The following FXYD5 variants were observed in gnomAD, a reference collection of about 807,000 sequenced individuals.
FXYD5 encodes the protein FXYD domain-containing ion transport regulator 5.
FXYD5 carries 21 observed loss-of-function variants against 25.7 expected under a neutral mutation model. The observed-to-expected ratio is 0.82, with a 90% CI of 0.58 to 1.18. The LOEUF is 1.18. Ranked by LOEUF, FXYD5 falls within the 50% of genes most tolerant of loss-of-function variation. The pLI, the probability that FXYD5 is intolerant of heterozygous loss-of-function variation, is 0.00. For synonymous variants in FXYD5, 101 were observed against 90.7 expected (o/e 1.11, Z -0.64); for missense variants, 229 against 227.7 (o/e 1.01, Z -0.04).
intron 5 of FXYD5, among the ~76,000 whole-genome samples, chr19:35,161,249 A>AC (rs58296906): frequency 4.2e-5 from 5 of 120,398 alleles, no homozygotes; most frequent in South Asian, 2.8e-4. Context: ...CACACACACA[A>AC]AAGAATGATT....
At chr19:35,164,413 A>G (rs1272689127) in intron 6 of FXYD5, among the ~76,000 whole-genome samples, 168 bp downstream of exon 6, 3 of 152,248 alleles carry the variant, frequency 2.0e-5, no homozygotes, top group Admixed American at 2.0e-4. Context: ...GTCTGAATAG[A>G]TAAGTGAATG....
chr19:35,168,800 C>T (rs775304098), intron 8 of FXYD5, among the ~76,000 whole-genome samples: 2 of 152,148 alleles, frequency 1.3e-5, no homozygotes, highest in African/African-American at 2.4e-5. Context: ...CAGTGGTTCA[C>T]GTATGTAATC....
chr19:35,155,391 C>G (rs1441844292), intron 1 of FXYD5, 160 bp from the exon 2 acceptor site: 2 of 652,028 alleles, frequency 3.1e-6, no homozygotes, highest in Non-Finnish European at 5.5e-6. Flanking sequence ...ACCTAAGACC[C>G]TCCCCTTTCC....
At chr19:35,158,605 A>G (rs2065378231) in intron 4 of FXYD5, among the ~76,000 whole-genome samples, 3 of 152,242 alleles carry the variant, frequency 2.0e-5, no homozygotes, top group Admixed American at 2.0e-4. Context: ...TGTGAAATTA[A>G]CATGCATATA....
intron 1 of FXYD5, 42 bp from the exon 2 acceptor site, chr19:35,155,509 C>T (rs747274104): frequency 3.2e-6 from 5 of 1,558,028 alleles, no homozygotes; most frequent in Non-Finnish European, 4.4e-6. Context: ...AGGTCGGTCT[C>T]ACTGACATCA....
chr19:35,166,529 G>A lies in FXYD5; in HGVS notation c.487+204G>A, dbSNP rs531039278. 2.9e-5 allele frequency: 14 copies of A among 481,934 alleles called. No homozygotes were observed. The East Asian group carries it at 4.7e-4, about 16-fold the overall frequency. The allele number at this position is 481,934 out of a possible 1,614,324, so 29.9% of individuals were successfully genotyped here. ...TCAATACCACAGTTTGGAAACATAGGCTGGGCTCAGCTGGGTGATTCTTCT... is the reference window on the plus strand; with the variant it reads ...TCAATACCACAGTTTGGAAACATAGACTGGGCTCAGCTGGGTGATTCTTCT... On this transcript the variant is annotated intron_variant, in intron 8 of 8. Coordinates refer to ENST00000392219, the MANE Select transcript of FXYD5 (RefSeq NM_014164.6).
rs2065449980 is a variant in FXYD5, at chr19:35,166,263, T to G, written c.425T>G (p.Leu142Arg). 1.2e-6 allele frequency: 2 copies of G among 1,611,958 alleles called. No individual in the cohort carries two copies. The highest frequency in any genetic ancestry group is 1.7e-6 in the Non-Finnish European group (2 of 1,178,350). ...TTTCTCTCTGCAGATGAACACACCC[T>G]CCGGAAACGGGGGCTGTTGGTCGCA... ...DDPFFYDEHT[L>R]RKRGLLVAAV... Residue 142 changes from leucine to arginine, a missense_variant, in exon 8 of 9, where the codon CTC becomes CGC. Physicochemically the swap from Leu to Arg is moderately radical, Grantham distance 102 (BLOSUM62 -2). Coordinates refer to ENST00000392219, the MANE Select transcript of FXYD5 (RefSeq NM_014164.6).
At chr19:35,164,131 T>C in intron 5 of FXYD5, 25 bp from the exon 6 acceptor site, 1 of 1,613,514 alleles carries the variant, frequency 6.2e-7, no homozygotes, top group Non-Finnish European at 8.5e-7. Context: ...ACTCCTGCCC[T>C]CCACTGATCT....
In FXYD5 at chr19:35,169,833, C is replaced by T. The variant is rs1457323614; in HGVS notation, c.*218C>T. On this transcript the variant is annotated 3_prime_UTR_variant, in exon 9 of 9. Coordinates refer to ENST00000392219, the MANE Select transcript of FXYD5 (RefSeq NM_014164.6). Reference sequence around the variant, plus strand: ...ACCTGGCGCCTTGGGGGCTGTCCCTCAAGTTATCTCCTCTGCTAAGACAAA... The same window carrying T: ...ACCTGGCGCCTTGGGGGCTGTCCCTTAAGTTATCTCCTCTGCTAAGACAAA... The T allele has an allele frequency of 3.5e-6, 2 of 578,234 alleles. No individual in the cohort carries two copies. The highest frequency in any genetic ancestry group is 3.1e-6 in the Non-Finnish European group (1 of 323,512). The allele number at this position is 578,234 out of a possible 1,614,324, so 35.8% of individuals were successfully genotyped here. A position where few individuals can be genotyped will look rare whatever the true frequency, so the allele number is the denominator to read the frequency against.
At chr19:35,160,887 T>G in intron 5 of FXYD5, 86 bp downstream of exon 5, 1 of 819,460 alleles carries the variant, frequency 1.2e-6, no homozygotes, top group Non-Finnish European at 2.1e-6. Context: ...CGTTTCTCAG[T>G]GCCCCTGTTT....
chr19:35,159,786 G>C, intron 4 of FXYD5: 1 of 1,015,892 alleles, frequency 9.8e-7, no homozygotes, highest in East Asian at 2.7e-5. Context: ...GTGAGTAACT[G>C]GTTCAAGGTC....
At chr19:35,163,346 C>T (rs113883979) in intron 5 of FXYD5, among the ~76,000 whole-genome samples, 34 of 150,888 alleles carry the variant, frequency 2.3e-4, no homozygotes, top group Non-Finnish European at 4.0e-4. Context: ...TTGAGGCCTC[C>T]GATGTGGTGT....
chr19:35,157,961 C>T (rs908961836), intron 3 of FXYD5, among the ~76,000 whole-genome samples: 15 of 152,154 alleles, frequency 9.9e-5, no homozygotes, highest in Admixed American at 4.6e-4. Flanking sequence ...GTGTCAGCCC[C>T]GCTGAATAAA....
intron 8 of FXYD5, among the ~76,000 whole-genome samples, chr19:35,167,590 T>C (rs2065462123): frequency 6.6e-6 from 1 of 152,228 alleles, no homozygotes; most frequent in Non-Finnish European, 1.5e-5. Context: ...TAAAATGTTG[T>C]GGGTGAAATA....
intron 8 of FXYD5, chr19:35,166,731 C>T (rs965855450): frequency 7.8e-6 from 2 of 256,282 alleles, no homozygotes; most frequent in Non-Finnish European, 7.4e-6. Flanking sequence ...AGGCTCAGAA[C>T]TGGCCATTAT....
intron 4 of FXYD5, chr19:35,160,024 C>T (rs1478882536): frequency 5.5e-6 from 1 of 181,664 alleles, no homozygotes; most frequent in Non-Finnish European, 1.1e-5. Flanking sequence ...CTGGACAACA[C>T]AGCAAAACCT....
At chr19:35,160,133 C>A in intron 4 of FXYD5, 1 of 168,252 alleles carries the variant, frequency 5.9e-6, no homozygotes, top group Non-Finnish European at 1.3e-5. Context: ...CACTTGAGCC[C>A]AAGAGTTCAA....
At chr19:35,163,910 C>A (rs749414488) in intron 5 of FXYD5, 10 of 1,250,796 alleles carry the variant, frequency 8.0e-6, no homozygotes, top group Non-Finnish European at 1.1e-5. Flanking sequence ...GGAGAGGGGT[C>A]TGGAGTCCCT....
At chr19:35,164,519 G>A (rs1800766446) in intron 6 of FXYD5, among the ~76,000 whole-genome samples, 1 of 152,112 alleles carries the variant, frequency 6.6e-6, no homozygotes, top group Non-Finnish European at 1.5e-5. Flanking sequence ...GGAAATCTAG[G>A]GTGTGCTCAG....
Sources: allele counts gnomAD v4.1 joint callset (sites outside exome capture counted in the v4.1 genomes callset), GRCh38; gene constraint gnomAD v4.1.1; transcripts MANE v1.5; gene names NCBI Gene and HGNC (gene_info 2026-07-23, HGNC 2026-07-21).